Variants in TMEM132C observed in about 807,000 individuals in gnomAD.
The protein encoded by TMEM132C is protein phosphatase 1, regulatory subunit 152.
TMEM132C carries 29 observed loss-of-function variants against 61.4 expected under a neutral mutation model. The observed-to-expected ratio is 0.47, with a 90% CI of 0.35 to 0.64. The LOEUF (loss-of-function observed/expected upper bound fraction) is 0.64, where lower values mean the gene tolerates loss of function less well. Ranked by LOEUF, TMEM132C falls within the 30% of genes least tolerant of loss-of-function variation. TMEM132C has a pLI of 0.00. For synonymous variants in TMEM132C, 656 were observed against 633.1 expected (o/e 1.04, Z -0.54); for missense variants, 1,408 against 1,476.9 (o/e 0.95, Z 0.76).
chr12:128,472,421 T>C (rs1360431475), intron 2 of TMEM132C, among the ~76,000 whole-genome samples: 2 of 152,112 alleles, frequency 1.3e-5, no homozygotes, highest in Non-Finnish European at 2.9e-5. Flanking sequence ...CAACGGGAAA[T>C]AGAGTTATTT....
chr12:128,274,660 G>A lies in TMEM132C; in HGVS notation c.85+7173G>A, dbSNP rs563682805. Among the ~76,000 whole-genome samples the A allele has an allele frequency of 5.0e-4, 76 of 152,322 alleles. No individual in the cohort carries two copies. The Middle Eastern group carries it at 0.01, about 20-fold the overall frequency. On this transcript the variant is annotated intron_variant, in intron 1 of 8. Coordinates refer to ENST00000435159, the MANE Select transcript of TMEM132C (RefSeq NM_001136103.3). ...TGGCTTCTTTAGGGTACCGCAGTTG[G>A]AAAACAGGAACCATTTTACTTATTT... is the stretch of plus-strand genomic sequence containing the variant.
At chr12:128,676,172 C>G (rs1249235654) in intron 5 of TMEM132C, among the ~76,000 whole-genome samples, 1 of 152,180 alleles carries the variant, frequency 6.6e-6, no homozygotes, top group East Asian at 1.9e-4. Context: ...GTCACGTACT[C>G]TAGCCTCCTT....
chr12:128,441,418 T>G (rs1869782286), intron 2 of TMEM132C, among the ~76,000 whole-genome samples: 1 of 152,236 alleles, frequency 6.6e-6, no homozygotes, highest in Non-Finnish European at 1.5e-5. Flanking sequence ...AGGCGATGGC[T>G]TAGTAAACAG....
At chr12:128,536,749 T>TTG (rs55718178) in intron 2 of TMEM132C, among the ~76,000 whole-genome samples, 86 of 151,416 alleles carry the variant, frequency 5.7e-4, no homozygotes, top group East Asian at 4.3e-3. Context: ...TAGGGGGTGC[T>TTG]TGTGTGTGTG....
intron 3 of TMEM132C, 108 bp from the exon 4 acceptor site, chr12:128,616,044 C>T (rs1876788683): frequency 6.7e-6 from 9 of 1,344,404 alleles, no homozygotes; most frequent in Non-Finnish European, 9.0e-6. Flanking sequence ...ACCCTGGAGC[C>T]ATCCCTGAGA....
At chr12:128,506,013 A>T (rs538352173) in intron 2 of TMEM132C, among the ~76,000 whole-genome samples, 1 of 152,212 alleles carries the variant, frequency 6.6e-6, no homozygotes, top group Non-Finnish European at 1.5e-5. Flanking sequence ...CGGCATAAAT[A>T]TGGAGCATTT....
intron 1 of TMEM132C, among the ~76,000 whole-genome samples, chr12:128,386,408 C>T (rs1874584521): frequency 6.6e-6 from 1 of 152,198 alleles, no homozygotes; most frequent in African/African-American, 2.4e-5. Flanking sequence ...ACAGAGGTGG[C>T]TGTCCCTGCA....
chr12:128,421,616 C>A (rs77820016), intron 2 of TMEM132C, among the ~76,000 whole-genome samples: 7,343 of 152,246 alleles, frequency 0.048, 634 homozygotes, highest in African/African-American at 0.17. Flanking sequence ...TTCCGTGAGC[C>A]AAAAGAAGCA....
intron 3 of TMEM132C, among the ~76,000 whole-genome samples, chr12:128,544,789 C>T (rs565696266): frequency 2.6e-5 from 4 of 152,224 alleles, no homozygotes; most frequent in South Asian, 2.1e-4. Flanking sequence ...TCATCAAATA[C>T]GTACAGATTT....
At chr12:128,338,009 GC>G (rs923344561) in intron 1 of TMEM132C, among the ~76,000 whole-genome samples, 2 of 152,030 alleles carry the variant, frequency 1.3e-5, no homozygotes, top group African/African-American at 4.8e-5. Flanking sequence ...GGGAAAGAAA[GC>G]CTACATATCC....
chr12:128,526,379 G>A (rs1172262990), intron 2 of TMEM132C, among the ~76,000 whole-genome samples: 5 of 152,176 alleles, frequency 3.3e-5, no homozygotes, highest in African/African-American at 1.2e-4. Flanking sequence ...GTGTCTTCAC[G>A]AGGTGGAGTG....
rs143874375 is a variant in TMEM132C at position 128,570,979 on chromosome 12, A to C, written c.1121+26876A>C. On this transcript the variant is annotated intron_variant, in intron 3 of 8. Coordinates refer to ENST00000435159, the MANE Select transcript of TMEM132C (RefSeq NM_001136103.3). This position sits in a 1 kb window ranked among gnomAD's most constrained non-coding sequence, Gnocchi z 4.7. ...AAGATCAGGGCTTTGTTAGCAAGAAAGAAGAAAAGGATGGATGTCAGGGAA... is the reference window on the plus strand; with the variant it reads ...AAGATCAGGGCTTTGTTAGCAAGAACGAAGAAAAGGATGGATGTCAGGGAA... Among the ~76,000 whole-genome samples the C allele has an allele frequency of 7.2e-5, 11 of 152,328 alleles. No homozygotes were observed. The highest frequency in any genetic ancestry group is 5.9e-4 in the Admixed American group (9 of 15,302).
intron 4 of TMEM132C, among the ~76,000 whole-genome samples, chr12:128,643,392 G>A (rs1237474075): frequency 2.0e-5 from 3 of 152,220 alleles, no homozygotes; most frequent in Non-Finnish European, 4.4e-5. Flanking sequence ...ACGTTCTGGC[G>A]GATACTCCCA....
At position 128,278,786 on chromosome 12, in the gene TMEM132C, GTT is replaced by G. The variant is rs1870782747; in HGVS notation, c.85+11301_85+11302del. On this transcript the variant is annotated intron_variant, in intron 1 of 8. Coordinates refer to ENST00000435159, the MANE Select transcript of TMEM132C (RefSeq NM_001136103.3). The surrounding 1 kb of genome is among the most constrained non-coding windows in gnomAD (Gnocchi z 4.2). ...TGTGTGTGTGTGTGTGTGTGTGTGT[GTT>G]TGGGTGAGATTAACAAATTGGTGGA... Among the ~76,000 whole-genome samples, 2 of 148,900 alleles carry G rather than the reference GTT, an allele frequency of 1.3e-5. No homozygotes were observed. The highest frequency in any genetic ancestry group is 2.1e-4 in the South Asian group (1 of 4,742).
chr12:128,525,160 G>A (rs1211321233), intron 2 of TMEM132C, among the ~76,000 whole-genome samples: 1 of 152,198 alleles, frequency 6.6e-6, no homozygotes, highest in Non-Finnish European at 1.5e-5. Flanking sequence ...AGTCTCAGAG[G>A]ATGAATCATG....
intron 1 of TMEM132C, among the ~76,000 whole-genome samples, chr12:128,363,952 A>C (rs919421084): frequency 6.6e-6 from 1 of 151,994 alleles, no homozygotes; most frequent in African/African-American, 2.4e-5. Context: ...ACCCAGGAGA[A>C]TCTTGGTCAG....
chr12:128,599,872 G>GGTAATT (rs1876106577), intron 3 of TMEM132C, among the ~76,000 whole-genome samples: 1 of 152,204 alleles, frequency 6.6e-6, no homozygotes, highest in African/African-American at 2.4e-5. Flanking sequence ...ACGTGTCATA[G>GGTAATT]GAAGGACCTG....
At chr12:128,291,143 A>G (rs1327842067) in intron 1 of TMEM132C, among the ~76,000 whole-genome samples, 6 of 152,194 alleles carry the variant, frequency 3.9e-5, no homozygotes, top group Non-Finnish European at 8.8e-5. Context: ...CTCGAGGGAC[A>G]TTCTTATGGT....
chr12:128,622,740 T>C (rs1953980254), intron 4 of TMEM132C, among the ~76,000 whole-genome samples: 1 of 152,032 alleles, frequency 6.6e-6, no homozygotes. Flanking sequence ...TGTCGTAGGA[T>C]GTGGGGGAGA....
Sources: allele counts gnomAD v4.1 joint callset (sites outside exome capture counted in the v4.1 genomes callset), GRCh38; gene constraint gnomAD v4.1.1; non-coding constraint Gnocchi (gnomAD v3.1); transcripts MANE v1.5; gene names NCBI Gene and HGNC (gene_info 2026-07-23, HGNC 2026-07-21).